ABCC5: variants seen among roughly 807,000 people sequenced by gnomAD.
The protein encoded by ABCC5 is ATP-binding cassette sub-family C member 5.
In ABCC5, 61 loss-of-function variants were observed where a neutral mutation model predicts 160.9. The ratio of observed to expected loss-of-function variants is 0.38; its 90% confidence interval spans 0.31 to 0.47. The LOEUF is 0.47. Among genes scored for constraint, ABCC5 ranks in the 20% least tolerant of loss-of-function variants. The pLI is 0.99. For missense variants in ABCC5, 1,308 were observed against 1,813.3 expected, an observed-to-expected ratio of 0.72 and a Z score of 5.06; for synonymous variants, 666 against 700.6, an observed-to-expected ratio of 0.95 and a Z score of 0.78.
At chr3:183,941,155 T>G (rs551238922) in intron 25 of ABCC5, among the ~76,000 whole-genome samples, 1 of 152,172 alleles carries the variant, frequency 6.6e-6, no homozygotes, top group Non-Finnish European at 1.5e-5. Context: ...CCACTGCACC[T>G]GGCCACTATG....
chr3:183,920,055 A>C lies in ABCC5; in HGVS notation c.*1245T>G, dbSNP rs561594029. ...TCACGACATGCAACGCTGACCATTC[A>C]ATTGATGACAGCAGTGACCACGCCC... is the stretch of plus-strand genomic sequence containing the variant. On this transcript the variant is annotated 3_prime_UTR_variant, in exon 30 of 30. Transcript: ENST00000334444. This position sits in a 1 kb window ranked among gnomAD's most constrained non-coding sequence, Gnocchi z 4.1. 4 of 152,782 alleles carry C rather than the reference A, an allele frequency of 2.6e-5. No individual in the cohort carries two copies. The East Asian group carries it at 7.7e-4, about 29-fold the overall frequency. 9.5% of individuals were successfully genotyped at this position (152,782 alleles called of 1,614,324 possible).
At chr3:183,940,462 GAAA>G (rs537025178) in intron 25 of ABCC5, among the ~76,000 whole-genome samples, 32 of 64,616 alleles carry the variant, frequency 5.0e-4, no homozygotes, top group South Asian at 4.3e-3. Flanking sequence ...TCTGTCTCAG[GAAA>G]AAAAAAAAAA....
intron 10 of ABCC5, among the ~76,000 whole-genome samples, chr3:183,973,700 C>T (rs1717970872): frequency 6.6e-6 from 1 of 152,200 alleles, no homozygotes; most frequent in African/African-American, 2.4e-5. Flanking sequence ...AATCTTCACT[C>T]TCGAGTAACC....
chr3:183,926,093 C>G (rs1333227049), intron 28 of ABCC5, among the ~76,000 whole-genome samples: 2 of 148,952 alleles, frequency 1.3e-5, no homozygotes, highest in African/African-American at 4.9e-5. Flanking sequence ...CTGCCTCGGC[C>G]TCCCAAAGTG....
intron 27 of ABCC5, chr3:183,927,655 T>G: frequency 2.0e-6 from 2 of 985,436 alleles, no homozygotes; most frequent in Non-Finnish European, 1.2e-6. Context: ...TTCTGTTAGC[T>G]TTATACCATT....
chr3:183,953,530 CCACA>C (rs1715581378), intron 17 of ABCC5, among the ~76,000 whole-genome samples: 1 of 152,084 alleles, frequency 6.6e-6, no homozygotes, highest in African/African-American at 2.4e-5. Flanking sequence ...GAGGAGCCTG[CCACA>C]GACTGGTAGG....
chr3:183,981,573 C>T (rs531440327), intron 8 of ABCC5, among the ~76,000 whole-genome samples, 154 bp downstream of exon 8: 2 of 152,290 alleles, frequency 1.3e-5, no homozygotes, highest in South Asian at 4.1e-4. Context: ...TCTAAGATCC[C>T]TTTTGAACAC....
chr3:183,987,751 A>G lies in ABCC5; in HGVS notation c.591+19T>C. 1 of 1,614,142 alleles carries G rather than the reference A, an allele frequency of 6.2e-7. No individual in the cohort carries two copies. The highest frequency in any genetic ancestry group is 1.3e-5 in the African/African-American group (1 of 75,044). ...GGCCGGGCCCCTGGAGACTGTCGGA[A>G]AGGATGGTTAGAACTTACTGGTCCA... On this transcript the variant is annotated intron_variant, in intron 5 of 29. Transcript: ENST00000334444. This position sits in a 1 kb window ranked among gnomAD's most constrained non-coding sequence, Gnocchi z 4.2.
chr3:183,975,225 C>T (rs1358276092), intron 10 of ABCC5, among the ~76,000 whole-genome samples: 1 of 152,164 alleles, frequency 6.6e-6, no homozygotes, highest in Non-Finnish European at 1.5e-5. Context: ...AGTTGCCTTA[C>T]ACCTAAAAAA....
At position 183,987,426 on chromosome 3, in the gene ABCC5, C is replaced by T. The variant is rs3828467; in HGVS notation, c.591+344G>A. 445 of 544,842 alleles carry T rather than the reference C, an allele frequency of 8.2e-4. 5 individuals carry two copies. In the East Asian group the frequency reaches 0.013, roughly 15 times the overall value. 33.8% of individuals were successfully genotyped at this position (544,842 alleles called of 1,614,324 possible). A position where few individuals can be genotyped will look rare whatever the true frequency, so the allele number is the denominator to read the frequency against. On this transcript the variant is annotated intron_variant, in intron 5 of 29. Coordinates refer to ENST00000334444, the MANE Select transcript of ABCC5 (RefSeq NM_005688.4). The surrounding 1 kb of genome is among the most constrained non-coding windows in gnomAD (Gnocchi z 4.2). ...TGGCTCACCAGCCCGGGCCACACAA[C>T]GTGCTCTCACCCACTCATAGCACTG...
intron 24 of ABCC5, 30 bp from the exon 25 acceptor site, chr3:183,942,946 T>C: frequency 6.4e-7 from 1 of 1,572,646 alleles, no homozygotes; most frequent in Non-Finnish European, 8.6e-7. Flanking sequence ...CAGTTCAGAC[T>C]GACCACAGAT....
At chr3:184,001,248 G>T in intron 2 of ABCC5, 1 of 534,510 alleles carries the variant, frequency 1.9e-6, no homozygotes, top group South Asian at 2.8e-5. Flanking sequence ...GTGAGACTCT[G>T]ACTCTAAAAA....
At position 183,951,979 on chromosome 3, in the gene ABCC5, C is replaced by T. The variant is rs372767753; in HGVS notation, c.2692G>A (p.Glu898Lys). The T allele has an allele frequency of 1.6e-5, 25 of 1,612,104 alleles. No homozygotes were observed. The highest frequency in any genetic ancestry group is 2.2e-5 in the East Asian group (1 of 44,818). ...TTCATGCTGTCACTCACCGAGGTCT[C>T]GTTCCCTCGAGTCACAGTGGTGTTC... ...SGNTTVTRGNETSVSDSMKDN... is the reference protein window; with the variant it reads ...SGNTTVTRGNKTSVSDSMKDN... Residue 898 changes from glutamate to lysine, a missense_variant, in exon 19 of 30, where the codon GAG (glutamate) becomes AAG (lysine). Physicochemically the swap from Glu to Lys is moderately conservative, Grantham distance 56 (BLOSUM62 1). Transcript: ENST00000334444. This position sits in a 1 kb window ranked among gnomAD's most constrained non-coding sequence, Gnocchi z 4.7.
intron 5 of ABCC5, chr3:183,983,614 C>A: frequency 2.5e-6 from 1 of 403,732 alleles, no homozygotes; most frequent in Non-Finnish European, 3.4e-6. Context: ...CCTCAGGTAG[C>A]ATATGTCTAA....
At position 183,978,484 on chromosome 3, in the gene ABCC5, T is replaced by A. The variant is rs765664298; in HGVS notation, c.1296+19A>T. The stretch of plus-strand genomic sequence containing the variant: ...TGTGGTATTTCTAAAATGTTCCCCA[T>A]CCCTGAGGGTTCCCTGACCTGTGCT... On this transcript the variant is annotated intron_variant, in intron 9 of 29. Transcript: ENST00000334444. 2.5e-6 allele frequency: 4 copies of A among 1,604,038 alleles called. No individual in the cohort carries two copies. The highest frequency in any genetic ancestry group is 3.4e-6 in the Non-Finnish European group (4 of 1,176,352).
At chr3:183,959,571 G>A (rs997585329) in intron 17 of ABCC5, among the ~76,000 whole-genome samples, 162 bp downstream of exon 17, 7 of 152,140 alleles carry the variant, frequency 4.6e-5, no homozygotes, top group Admixed American at 1.3e-4. Context: ...AAGGTGCCTC[G>A]TGGTCTCCCA....
In ABCC5 at chr3:184,017,273, A is replaced by G. The variant is rs961125029; in HGVS notation, c.-56+557T>C. The G allele has an allele frequency of 2.6e-5, 4 of 152,278 alleles. No individual in the cohort carries two copies. Among genetic ancestry groups the G allele is most frequent in the Non-Finnish European group, 5.9e-5 (4 of 68,088 alleles). The allele number at this position is 152,278 out of a possible 1,614,324, so 9.4% of individuals were successfully genotyped here. ...GAGAGATCTGGGCTGCGTTCCCGGC[A>G]CAGCCACGGCTTTGCTGCGCGTGCT... On this transcript the variant is annotated intron_variant, in intron 1 of 29. Transcript: ENST00000334444. The surrounding 1 kb of genome is among the most constrained non-coding windows in gnomAD (Gnocchi z 4.5).
chr3:184,012,664 A>T (rs1008825013), intron 2 of ABCC5, among the ~76,000 whole-genome samples: 1 of 152,214 alleles, frequency 6.6e-6, no homozygotes, highest in Non-Finnish European at 1.5e-5. Context: ...TGTTACACTA[A>T]ATGTGTCTAG....
chr3:183,962,061 T>C (rs978848622), intron 15 of ABCC5, among the ~76,000 whole-genome samples: 4 of 152,188 alleles, frequency 2.6e-5, no homozygotes, highest in East Asian at 1.9e-4. Flanking sequence ...TGGAGACATT[T>C]TTGGTTGTCA....
Sources: gnomAD v4.1 joint callset for allele counts (sites outside exome capture counted in the v4.1 genomes callset) on GRCh38, gnomAD v4.1.1 for gene constraint, Gnocchi (gnomAD v3.1) non-coding constraint, MANE v1.5 for transcripts, NCBI Gene and HGNC (gene_info 2026-07-23, HGNC 2026-07-21) for gene names.